The following RP1 variants were observed in gnomAD, a reference collection of about 807,000 sequenced individuals.
RP1 encodes the protein RP1 axonemal microtubule associated.
A neutral mutation model predicts 14.8 loss-of-function variants in RP1; 16 were observed. That is an observed-to-expected ratio of 1.08 (90% CI 0.73 to 1.65). RP1 has a LOEUF of 1.65. Ranked by LOEUF, RP1 falls within the 40% of genes most tolerant of loss-of-function variation. The pLI is 0.00. For synonymous variants in RP1, 876 were observed against 883.6 expected, an observed-to-expected ratio of 0.99 and a Z score of 0.15; for missense variants, 2,631 against 2,535.0, an observed-to-expected ratio of 1.04 and a Z score of -0.81.
chr8:54,623,110 T>C (rs938396734), intron 3 of RP1, among the ~76,000 whole-genome samples: 2 of 152,228 alleles, frequency 1.3e-5, no homozygotes, highest in Admixed American at 6.5e-5. Flanking sequence ...AACTAATCCA[T>C]TGTTGTTTAA....
intron 12 of RP1, among the ~76,000 whole-genome samples, chr8:54,688,592 C>T (rs200842236): frequency 3.3e-5 from 5 of 151,840 alleles, no homozygotes; most frequent in African/African-American, 4.8e-5. Context: ...TTTCTTGTTT[C>T]TGTCAGGTTT....
chr8:54,834,173 A>G lies in RP1; in HGVS notation c.3616-3277A>G, dbSNP rs193014693. Among the ~76,000 whole-genome samples the G allele has an allele frequency of 2.6e-4, 40 of 152,152 alleles. 1 individual carries two copies. The South Asian group carries it at 4.4e-3, about 17-fold the overall frequency. On this transcript the variant is annotated intron_variant, in intron 24 of 28. Coordinates refer to the RP1 transcript ENST00000637698. Reference sequence around the variant, plus strand: ...GTTTAAATTTTCTCAAGAAAGTAAGACAAGGGTATTTAAGGTACCCAGAAT... The same window carrying G: ...GTTTAAATTTTCTCAAGAAAGTAAGGCAAGGGTATTTAAGGTACCCAGAAT...
At chr8:54,749,928 G>A (rs1343080951) in intron 19 of RP1, among the ~76,000 whole-genome samples, 2 of 151,762 alleles carry the variant, frequency 1.3e-5, no homozygotes, top group Non-Finnish European at 2.9e-5. Flanking sequence ...ATGGGCTAGA[G>A]AATTCATGGA....
chr8:54,726,635 G>T (rs1238122062), intron 17 of RP1, among the ~76,000 whole-genome samples: 3 of 151,788 alleles, frequency 2.0e-5, no homozygotes, highest in Non-Finnish European at 4.4e-5. Flanking sequence ...TATGCCTTAA[G>T]TTTTATATTA....
intron 19 of RP1, among the ~76,000 whole-genome samples, chr8:54,748,809 T>C (rs1176101393): frequency 1.3e-5 from 2 of 152,190 alleles, no homozygotes; most frequent in African/African-American, 2.4e-5. Flanking sequence ...AGAAAAAGCT[T>C]TGTGTATATG....
At chr8:54,801,733 T>C (rs773583790) in intron 24 of RP1, among the ~76,000 whole-genome samples, 1 of 152,170 alleles carries the variant, frequency 6.6e-6, no homozygotes. Context: ...TAGCAATTTG[T>C]TGGAAATTTC....
chr8:54,759,168 G>GTC (rs1809580038), intron 22 of RP1: 6 of 1,218,548 alleles, frequency 4.9e-6, no homozygotes, highest in Non-Finnish European at 6.6e-6. Context: ...GTGTGTGTGT[G>GTC]TGTGTGTATC....
At chr8:54,699,614 G>C in intron 13 of RP1, 1 of 933,942 alleles carries the variant, frequency 1.1e-6, no homozygotes, top group African/African-American at 1.7e-5. Context: ...ATAGTATTAT[G>C]TCTGTATATT....
rs555148271 is a variant in RP1, at chr8:54,607,813, G to A, written c.-12-13142G>A. On this transcript the variant is annotated intron_variant, in intron 1 of 22. Coordinates refer to the RP1 transcript ENST00000636932. Reference sequence around the variant, plus strand: ...TCAGACTGCTGTGCTAGCAATGAGCGAGGCTCTGTGGGCATAGGACCCTCT... The same window carrying A: ...TCAGACTGCTGTGCTAGCAATGAGCAAGGCTCTGTGGGCATAGGACCCTCT... Among the ~76,000 whole-genome samples, 61 of 152,286 alleles carry A rather than the reference G, an allele frequency of 4.0e-4. No homozygotes were observed. In the East Asian group the frequency reaches 8.9e-3, roughly 22 times the overall value.
At position 54,816,317 on chromosome 8, in the gene RP1, G is replaced by C. The variant is rs147673865; in HGVS notation, c.3616-21133G>C. On this transcript the variant is annotated intron_variant, in intron 24 of 28. Coordinates refer to the RP1 transcript ENST00000637698. ...CAAAAAGGTCTCTGTAAGGCTAAAA[G>C]CTCCATACTACTGCAGACATGGAAA... Among the ~76,000 whole-genome samples, 1,439 of 152,270 alleles carry C rather than the reference G, an allele frequency of 9.5e-3. 11 individuals carry two copies. Among genetic ancestry groups the C allele is most frequent in the Non-Finnish European group, 0.014 (966 of 68,018 alleles).
intron 24 of RP1, among the ~76,000 whole-genome samples, chr8:54,827,757 G>A: frequency 6.6e-6 from 1 of 152,098 alleles, no homozygotes. Context: ...AATTAGCCAG[G>A]CGTGGTGACA....
downstream of RP1, among the ~76,000 whole-genome samples, chr8:54,633,980 A>G (rs1239277713): frequency 6.6e-6 from 1 of 152,032 alleles, no homozygotes; most frequent in East Asian, 1.9e-4. Context: ...TTACTTTAAT[A>G]TCTGTATTCG....
chr8:54,628,463 A>G lies in RP1; in HGVS notation c.4581A>G (p.Ile1527Met), dbSNP rs1238566142. The G allele has an allele frequency of 5.0e-6, 8 of 1,613,496 alleles. No individual in the cohort carries two copies. Among genetic ancestry groups the G allele is most frequent in the Non-Finnish European group, 6.8e-6 (8 of 1,179,762 alleles). The change falls in exon 4 of 4, where the codon ATA (isoleucine) becomes ATG (methionine). Residue 1527 changes from isoleucine (I) to methionine (M), a missense_variant. Transcript: ENST00000220676. ...GAATGAACGGTATAATTTATGAAAT[A>G]ATCAGTAAGAGGCTGGCAACACCAC... ...EKRMNGIIYE[I>M]ISKRLATPPS...
downstream of RP1, among the ~76,000 whole-genome samples, chr8:54,772,118 T>G (rs1481305414): frequency 6.6e-6 from 1 of 152,154 alleles, no homozygotes; most frequent in Non-Finnish European, 1.5e-5. Context: ...ATCTGGGACA[T>G]GTTTTCTAAA....
intron 24 of RP1, among the ~76,000 whole-genome samples, chr8:54,791,985 A>G (rs1404858131): frequency 1.3e-5 from 2 of 152,076 alleles, no homozygotes; most frequent in African/African-American, 4.8e-5. Flanking sequence ...CTTTAAAGAC[A>G]CACATAGGCT....
chr8:54,796,086 C>T (rs1269189708), intron 24 of RP1, among the ~76,000 whole-genome samples: 3 of 152,144 alleles, frequency 2.0e-5, no homozygotes, highest in Non-Finnish European at 2.9e-5. Context: ...AAGGAATTAT[C>T]GGGTGGACAG....
At chr8:54,594,895 G>T (rs1184862157) in intron 1 of RP1, among the ~76,000 whole-genome samples, 1 of 152,124 alleles carries the variant, frequency 6.6e-6, no homozygotes, top group Non-Finnish European at 1.5e-5. Flanking sequence ...GGGAGAATTT[G>T]TGATGATAGC....
chr8:54,673,799 A>T (rs1807234112), intron 7 of RP1: 1 of 1,389,512 alleles, frequency 7.2e-7, no homozygotes, highest in African/African-American at 1.4e-5. Context: ...TACTATTGGT[A>T]TAAATCAGAG....
At chr8:54,574,192 C>T (rs1003978925) in intron 1 of RP1, among the ~76,000 whole-genome samples, 5 of 152,196 alleles carry the variant, frequency 3.3e-5, no homozygotes, top group East Asian at 1.9e-4. Flanking sequence ...GAGGGAAACA[C>T]AGTTCCTCAG....
Sources: gnomAD v4.1 joint callset for allele counts (sites outside exome capture counted in the v4.1 genomes callset) on GRCh38, gnomAD v4.1.1 for gene constraint, MANE v1.5 for transcripts, NCBI Gene and HGNC (gene_info 2026-07-23, HGNC 2026-07-21) for gene names.